The following CCNE1 variants were observed in gnomAD, a reference collection of about 807,000 sequenced individuals.
The protein encoded by CCNE1 is G1/S-specific cyclin-E1.
Under a neutral mutation model 54.1 loss-of-function variants are expected in CCNE1, and 8 were observed. The observed-to-expected ratio is 0.15, with a 90% CI of 0.09 to 0.27. The LOEUF (loss-of-function observed/expected upper bound fraction) is 0.27. CCNE1 is among the 10% of genes least tolerant of loss of function. The pLI is 1.00. For missense variants in CCNE1, 430 were observed against 514.9 expected (o/e 0.84, Z 1.60); for synonymous variants, 179 against 185.2 (o/e 0.97, Z 0.27).
intron 4 of CCNE1, among the ~76,000 whole-genome samples, chr19:29,815,914 G>C (rs1974004903): frequency 6.6e-6 from 1 of 151,432 alleles, no homozygotes; most frequent in South Asian, 2.1e-4. Flanking sequence ...CAGCACTTTT[G>C]GAAGACAAGG....
At chr19:29,820,547 CAAAAA>C (rs536843912) in intron 6 of CCNE1, among the ~76,000 whole-genome samples, 150 bp from the exon 7 acceptor site, 1 of 136,864 alleles carries the variant, frequency 7.3e-6, no homozygotes, top group Non-Finnish European at 1.6e-5. Context: ...TAAGGCACCT[CAAAAA>C]AAAAACAAAA....
chr19:29,814,469 G>C (rs2145718015), intron 4 of CCNE1, among the ~76,000 whole-genome samples: 1 of 151,262 alleles, frequency 6.6e-6, no homozygotes, highest in Non-Finnish European at 1.5e-5. Context: ...TGTGCTGCCG[G>C]AATAGCCATA....
chr19:29,813,544 ATTC>A (rs781318483), intron 4 of CCNE1, among the ~76,000 whole-genome samples: 7 of 152,102 alleles, frequency 4.6e-5, no homozygotes, highest in Non-Finnish European at 8.8e-5. Context: ...CAGATTTCAA[ATTC>A]TTCTCCTCTT....
At chr19:29,814,719 G>A (rs1263767956) in intron 4 of CCNE1, among the ~76,000 whole-genome samples, 1 of 152,086 alleles carries the variant, frequency 6.6e-6, no homozygotes, top group East Asian at 1.9e-4. Context: ...CGACAGTCTT[G>A]AGCTACTTGG....
rs1352920223 is a variant in CCNE1 at position 29,818,221 on chromosome 19, T to C, written c.462+680T>C. ...TTTTGTATTTTTAGTAGAAATGGGG[T>C]TTCACCGTGTTAGCCAGGATGGTCT... is the stretch of plus-strand genomic sequence containing the variant. On this transcript the variant is annotated intron_variant, in intron 6 of 11. Coordinates refer to ENST00000262643, the MANE Select transcript of CCNE1 (RefSeq NM_001238.4). 2.6e-5 allele frequency among the ~76,000 whole-genome samples: 4 copies of C among 152,042 alleles called. No individual in the cohort carries two copies. The East Asian group carries it at 7.7e-4, about 29-fold the overall frequency.
Position 29,822,079 on chromosome 19 carries a change from T to C in CCNE1, c.789T>C (p.His263=), listed in dbSNP as rs1434268852. Residue 263 remains histidine, a synonymous_variant, in exon 9 of 12, where the codon CAT becomes CAC. Transcript: ENST00000262643. ...YMQVAYLNDL[H]EVLLPQYPQQ... The stretch of plus-strand genomic sequence containing the variant: ...AGGTTGCATATCTAAATGACTTACA[T>C]GAAGTGCTACTGCCGCAGTATCCCC... The C allele has an allele frequency of 1.2e-6, 2 of 1,614,154 alleles. No individual in the cohort carries two copies. Among genetic ancestry groups the C allele is most frequent in the South Asian group, 1.1e-5 (1 of 91,088 alleles).
chr19:29,812,949 T>C lies in CCNE1; in HGVS notation c.112-20T>C, dbSNP rs749575622. 13 of 1,613,746 alleles carry C rather than the reference T, an allele frequency of 8.1e-6. No individual in the cohort carries two copies. The Admixed American group carries it at 1.3e-4, about 17-fold the overall frequency. Reference sequence around the variant, plus strand: ...TGTTTGGTGTGTTTCCTTGGGGTCATGGGGGTGGCTTCATGTTAGTTTTTG... The same window carrying C: ...TGTTTGGTGTGTTTCCTTGGGGTCACGGGGGTGGCTTCATGTTAGTTTTTG... On this transcript the variant is annotated intron_variant, in intron 3 of 11. Coordinates refer to ENST00000262643, the MANE Select transcript of CCNE1 (RefSeq NM_001238.4).
chr19:29,814,158 C>T (rs776704900), intron 4 of CCNE1, among the ~76,000 whole-genome samples: 11 of 152,044 alleles, frequency 7.2e-5, no homozygotes, highest in Non-Finnish European at 1.3e-4. Flanking sequence ...ATTTCAGAGA[C>T]GGAAATGAGA....
In CCNE1 at chr19:29,823,794, C is replaced by T. The variant is rs371960938; in HGVS notation, c.*17C>T. ...ATGGCGTGACCACCCCATCCTTCTCCACCAAAGACAGTTGCGCGCCTGCTC... is the reference window on the plus strand; with the variant it reads ...ATGGCGTGACCACCCCATCCTTCTCTACCAAAGACAGTTGCGCGCCTGCTC... On this transcript the variant is annotated 3_prime_UTR_variant, in exon 12 of 12. Coordinates refer to ENST00000262643, the MANE Select transcript of CCNE1 (RefSeq NM_001238.4). 16 of 1,598,344 alleles carry T rather than the reference C, an allele frequency of 1.0e-5. No homozygotes were observed. The highest frequency in any genetic ancestry group is 1.2e-5 in the Non-Finnish European group (14 of 1,171,744).
Position 29,824,111 on chromosome 19 carries a change from C to G in CCNE1, c.*334C>G, listed in dbSNP as rs1485513603. ...TGGAGGGCCACGGTGGCGTGGCTCTCCTCGCAGGTGTTCTGGGCTCCGTTG... is the reference window on the plus strand; with the variant it reads ...TGGAGGGCCACGGTGGCGTGGCTCTGCTCGCAGGTGTTCTGGGCTCCGTTG... On this transcript the variant is annotated 3_prime_UTR_variant, in exon 12 of 12. Coordinates refer to ENST00000262643, the MANE Select transcript of CCNE1 (RefSeq NM_001238.4). 3.5e-6 allele frequency: 1 copy of G among 288,022 alleles called. No homozygotes were observed. Among genetic ancestry groups the G allele is most frequent in the Admixed American group, 4.9e-5 (1 of 20,288 alleles). The allele number at this position is 288,022 out of a possible 1,614,324, so 17.8% of individuals were successfully genotyped here.
intron 4 of CCNE1, 86 bp from the exon 5 acceptor site, chr19:29,817,051 G>A: frequency 7.4e-7 from 1 of 1,347,144 alleles, no homozygotes; most frequent in Non-Finnish European, 1.0e-6. Context: ...ATCTTACTGA[G>A]TTGCAGGTGA....
In CCNE1 at chr19:29,817,430, G is replaced by A; in HGVS notation, c.351G>A (p.Trp117Ter). 1 of 1,614,158 alleles carries A rather than the reference G, an allele frequency of 6.2e-7. No individual in the cohort carries two copies. Among genetic ancestry groups the A allele is most frequent in the Non-Finnish European group, 8.5e-7 (1 of 1,180,032 alleles). The part of the protein sequence containing the change: ...VLSWANREEV[W>*]KIMLNKEKTY... ...GCTGGGCAAATAGAGAGGAAGTCTG[G>A]AAAATCATGTTAAACAAGGAAAAGA... is the stretch of plus-strand genomic sequence containing the variant. Residue 117 changes from tryptophan to a stop codon, truncating the protein, a stop_gained, in exon 6 of 12, where the codon TGG (tryptophan) becomes TGA (stop). Transcript: ENST00000262643. LOFTEE classifies it high-confidence loss of function.
chr19:29,818,670 CTG>C (rs1974081939), intron 6 of CCNE1, among the ~76,000 whole-genome samples: 1 of 151,764 alleles, frequency 6.6e-6, no homozygotes, highest in South Asian at 2.1e-4. Context: ...TGGCTCATGT[CTG>C]TAATCCCAGC....
Position 29,817,152 on chromosome 19 carries a change from G to A in CCNE1, c.196G>A (p.Ala66Thr), listed in dbSNP as rs771474736. Residue 66 changes from alanine to threonine, a missense_variant, in exon 5 of 12, where the codon GCA (alanine) becomes ACA (threonine). By Grantham distance (58) the Ala-to-Thr change is moderately conservative (BLOSUM62 0). This residue lies in a region of CCNE1 where 127 missense variants were observed against 113.8 expected (regional missense o/e 1.12). Coordinates refer to ENST00000262643, the MANE Select transcript of CCNE1 (RefSeq NM_001238.4). Reference protein sequence around the residue: ...QCGSQPWDNNAVCADPCSLIP... With the variant: ...QCGSQPWDNNTVCADPCSLIP... ...TCATTTACAGCCTTGGGACAATAAT[G>A]CAGTCTGTGCAGACCCCTGCTCCCT... 6.2e-7 allele frequency: 1 copy of A among 1,613,962 alleles called. No individual in the cohort carries two copies. Among genetic ancestry groups the A allele is most frequent in the Admixed American group, 1.7e-5 (1 of 59,972 alleles).
At chr19:29,821,468 T>G (rs1974143068) in intron 7 of CCNE1, among the ~76,000 whole-genome samples, 1 of 151,940 alleles carries the variant, frequency 6.6e-6, no homozygotes, top group African/African-American at 2.4e-5. Context: ...TTAAAGGTAC[T>G]GAAAAGGGGA....
At chr19:29,822,159 C>G in intron 9 of CCNE1, 29 bp downstream of exon 9, 3 of 1,611,856 alleles carry the variant, frequency 1.9e-6, no homozygotes, top group Non-Finnish European at 2.5e-6. Context: ...TCCGTGGGGC[C>G]ACCTTCCCTG....
chr19:29,820,106 C>T (rs893936193), intron 6 of CCNE1, among the ~76,000 whole-genome samples: 1 of 152,252 alleles, frequency 6.6e-6, no homozygotes, highest in Non-Finnish European at 1.5e-5. Context: ...ACCAGCACTG[C>T]TGTGCTGTGA....
intron 4 of CCNE1, among the ~76,000 whole-genome samples, chr19:29,814,192 TC>T (rs1389098108): frequency 6.6e-6 from 1 of 152,228 alleles, no homozygotes; most frequent in Non-Finnish European, 1.5e-5. Flanking sequence ...GTTTTTTTTT[TC>T]TTCCCTTAAA....
At chr19:29,822,204 G>T in intron 9 of CCNE1, 36 bp from the exon 10 acceptor site, 1 of 1,611,080 alleles carries the variant, frequency 6.2e-7, no homozygotes, top group Non-Finnish European at 8.5e-7. Context: ...TAGGCGTGTG[G>T]TGGCATCCAT....
Sources: gnomAD v4.1 joint callset for allele counts (sites outside exome capture counted in the v4.1 genomes callset) on GRCh38, gnomAD v4.1.1 for gene constraint, gnomAD v4.1.1 regional missense constraint, MANE v1.5 for transcripts, NCBI Gene and HGNC (gene_info 2026-07-23, HGNC 2026-07-21) for gene names.